KCNH8: variants seen among roughly 807,000 people sequenced by gnomAD.
KCNH8 encodes voltage-gated delayed rectifier potassium channel KCNH8.
In KCNH8, 70 loss-of-function variants were observed where a neutral mutation model predicts 103.6. The observed-to-expected ratio is 0.68, with a 90% CI of 0.56 to 0.82. The LOEUF is 0.82. Among genes scored for constraint, KCNH8 ranks in the 40% least tolerant of loss-of-function variants. The probability of loss-of-function intolerance (pLI) is 0.00; values close to 1 mark genes in which losing one functional copy is unlikely to be tolerated. For synonymous variants in KCNH8, 498 were observed against 489.4 expected (o/e 1.02, Z -0.23); for missense variants, 1,217 against 1,329.9 (o/e 0.92, Z 1.32).
At chr3:19,410,695 A>G (rs2125147613) in intron 7 of KCNH8, among the ~76,000 whole-genome samples, 1 of 152,098 alleles carries the variant, frequency 6.6e-6, no homozygotes, top group East Asian at 1.9e-4. Flanking sequence ...AATAAGAAAC[A>G]GCAAACAAAA....
chr3:19,396,910 G>T (rs2066527221), intron 7 of KCNH8, among the ~76,000 whole-genome samples: 1 of 151,836 alleles, frequency 6.6e-6, no homozygotes, highest in Non-Finnish European at 1.5e-5. Context: ...TTTTAGACCT[G>T]ACCTAATTTT....
chr3:19,233,061 T>TCCC (rs1208431887), intron 1 of KCNH8, among the ~76,000 whole-genome samples: 34 of 62,374 alleles, frequency 5.5e-4, no homozygotes, highest in African/African-American at 1.2e-3. Flanking sequence ...TTGATATTCC[T>TCCC]CCCCCCCCCC....
chr3:19,334,709 T>TAA (rs929953695), intron 3 of KCNH8, among the ~76,000 whole-genome samples: 1 of 135,194 alleles, frequency 7.4e-6, no homozygotes, highest in African/African-American at 2.7e-5. Flanking sequence ...TCAGTGATGT[T>TAA]AAAAAAAAAA....
At chr3:19,513,406 A>G (rs2125243022) in intron 13 of KCNH8, 81 bp downstream of exon 13, 1 of 1,493,162 alleles carries the variant, frequency 6.7e-7, no homozygotes, top group Non-Finnish European at 9.0e-7. Flanking sequence ...CAGCCTTCTG[A>G]GCCTTTCTAC....
At chr3:19,207,268 C>T (rs2063727077) in intron 1 of KCNH8, among the ~76,000 whole-genome samples, 1 of 151,836 alleles carries the variant, frequency 6.6e-6, no homozygotes, top group Non-Finnish European at 1.5e-5. Flanking sequence ...AAGAAAGGGG[C>T]ATTCAAATAG....
At chr3:19,516,703 A>G (rs1162553724) in intron 14 of KCNH8, among the ~76,000 whole-genome samples, 4 of 152,044 alleles carry the variant, frequency 2.6e-5, no homozygotes, top group Non-Finnish European at 5.9e-5. Flanking sequence ...ACATTCAAGC[A>G]TCAAGTTTTC....
chr3:19,525,115 A>G (rs555942659), intron 15 of KCNH8, among the ~76,000 whole-genome samples: 2 of 152,086 alleles, frequency 1.3e-5, no homozygotes, highest in Admixed American at 1.3e-4. Context: ...GAGGTAACAG[A>G]TATGCTAATA....
chr3:19,383,349 C>CT (rs1164180397), intron 5 of KCNH8, among the ~76,000 whole-genome samples: 1 of 151,674 alleles, frequency 6.6e-6, no homozygotes, highest in South Asian at 2.1e-4. Context: ...TATATTAACA[C>CT]TTTTTTTATT....
intron 15 of KCNH8, among the ~76,000 whole-genome samples, chr3:19,527,590 G>C (rs187277987): frequency 1.3e-5 from 2 of 152,010 alleles, no homozygotes; most frequent in African/African-American, 4.8e-5. Flanking sequence ...CAGATACTCC[G>C]GAAATGTAGG....
At chr3:19,522,953 C>CAT (rs1029381727) in intron 15 of KCNH8, among the ~76,000 whole-genome samples, 7 of 151,672 alleles carry the variant, frequency 4.6e-5, no homozygotes, top group Non-Finnish European at 8.8e-5. Flanking sequence ...GTAAGTTACA[C>CAT]ATATATATGT....
intron 7 of KCNH8, among the ~76,000 whole-genome samples, chr3:19,404,650 C>T (rs563072634): frequency 6.6e-6 from 1 of 151,922 alleles, no homozygotes; most frequent in South Asian, 2.1e-4. Flanking sequence ...AACTACTGAT[C>T]TTAGGGTGGC....
chr3:19,192,099 T>C (rs2063558675), intron 1 of KCNH8, among the ~76,000 whole-genome samples: 1 of 151,680 alleles, frequency 6.6e-6, no homozygotes, highest in African/African-American at 2.4e-5. Context: ...ATAATTCCTT[T>C]TTGTTTGACA....
intron 1 of KCNH8, among the ~76,000 whole-genome samples, chr3:19,231,937 C>T (rs2063999249): frequency 6.6e-6 from 1 of 152,134 alleles, no homozygotes; most frequent in Admixed American, 6.6e-5. Flanking sequence ...ATCAATACAT[C>T]AAATTAATTG....
intron 5 of KCNH8, among the ~76,000 whole-genome samples, chr3:19,379,388 T>C (rs2066256981): frequency 6.6e-6 from 1 of 152,122 alleles, no homozygotes; most frequent in Non-Finnish European, 1.5e-5. Flanking sequence ...ATGCCTGTAA[T>C]CCCAGCACTT....
At chr3:19,291,957 G>T (rs530651276) in intron 3 of KCNH8, among the ~76,000 whole-genome samples, 17 of 152,158 alleles carry the variant, frequency 1.1e-4, no homozygotes, top group African/African-American at 4.1e-4. Flanking sequence ...GTATTCAATT[G>T]CCCTCACCTG....
chr3:19,448,862 C>A, intron 8 of KCNH8: 1 of 541,058 alleles, frequency 1.8e-6, no homozygotes, highest in Non-Finnish European at 3.1e-6. Context: ...GGGATAAAAT[C>A]TGAATATTAC....
At chr3:19,308,303 G>A (rs1421415546) in intron 3 of KCNH8, among the ~76,000 whole-genome samples, 1 of 119,674 alleles carries the variant, frequency 8.4e-6, no homozygotes, top group African/African-American at 3.3e-5. Context: ...AAAAAAAAAG[G>A]TGATGATTAG....
intron 7 of KCNH8, among the ~76,000 whole-genome samples, chr3:19,413,438 T>A (rs1472403822): frequency 6.6e-6 from 1 of 152,002 alleles, no homozygotes; most frequent in Non-Finnish European, 1.5e-5. Context: ...GGTACTATGC[T>A]CACTACGTGG....
intron 15 of KCNH8, among the ~76,000 whole-genome samples, chr3:19,525,009 T>C (rs147237466): frequency 6.6e-6 from 1 of 151,992 alleles, no homozygotes; most frequent in African/African-American, 2.4e-5. Flanking sequence ...TCTTTTGTTT[T>C]GTAGTGACAT....
Sources: gnomAD v4.1 joint callset for allele counts (sites outside exome capture counted in the v4.1 genomes callset) on GRCh38, gnomAD v4.1.1 for gene constraint, MANE v1.5 for transcripts, NCBI Gene and HGNC (gene_info 2026-07-23, HGNC 2026-07-21) for gene names.